Variants in RELN observed in about 807,000 individuals in gnomAD.
RELN encodes reelin.
Under a neutral mutation model 427.6 loss-of-function variants are expected in RELN, and 108 were observed. The observed-to-expected ratio is 0.25, with a 90% confidence interval of 0.22 to 0.30. The LOEUF (loss-of-function observed/expected upper bound fraction) is 0.30. RELN is among the 10% of genes least tolerant of loss of function. The pLI, the probability that RELN is intolerant of heterozygous loss-of-function variation, is 1.00. For missense variants in RELN, 3,715 were observed against 4,302.8 expected, an observed-to-expected ratio of 0.86 and a Z score of 3.82; for synonymous variants, 1,524 against 1,513.4, an observed-to-expected ratio of 1.01 and a Z score of -0.16.
chr7:103,929,343 C>T (rs771974302), intron 1 of RELN, among the ~76,000 whole-genome samples: 1 of 152,112 alleles, frequency 6.6e-6, no homozygotes, highest in African/African-American at 2.4e-5. Context: ...CACTTGTGTT[C>T]TAAACTTTTC....
At chr7:103,726,864 A>T (rs1222041526) in intron 7 of RELN, among the ~76,000 whole-genome samples, 3 of 152,170 alleles carry the variant, frequency 2.0e-5, no homozygotes, top group Non-Finnish European at 4.4e-5. Context: ...CACCAGAGTC[A>T]TACTTGTCTG....
At chr7:103,726,123 T>C (rs188762357) in intron 7 of RELN, among the ~76,000 whole-genome samples, 1 of 152,306 alleles carries the variant, frequency 6.6e-6, no homozygotes, top group East Asian at 1.9e-4. Flanking sequence ...CATGCAAATG[T>C]TTGGATTTTA....
chr7:103,780,620 T>C (rs901604990), intron 3 of RELN, among the ~76,000 whole-genome samples: 1 of 152,194 alleles, frequency 6.6e-6, no homozygotes, highest in African/African-American at 2.4e-5. Context: ...TCTTATCATT[T>C]AGCTCCCACT....
rs1285820024 is a variant in RELN at position 103,755,600 on chromosome 7, T to C, written c.545-2386A>G. 4.8e-5 allele frequency among the ~76,000 whole-genome samples: 6 copies of C among 125,394 alleles called. No homozygotes were observed. In the East Asian group the frequency reaches 1.1e-3, roughly 23 times the overall value. 82.3% of individuals were successfully genotyped at this position (125,394 alleles called of 152,430 possible). On this transcript the variant is annotated intron_variant, in intron 4 of 64. Coordinates refer to ENST00000428762, the MANE Select transcript of RELN (RefSeq NM_005045.4). ...TCCAGCCTGGGGGACAGAGCGAGAC[T>C]CTGTCTCAAAAAAAAAATAAAAAAA...
intron 41 of RELN, among the ~76,000 whole-genome samples, chr7:103,548,818 C>T (rs1322365070): frequency 6.6e-6 from 1 of 152,064 alleles, no homozygotes; most frequent in Non-Finnish European, 1.5e-5. Context: ...CAATGCTGAG[C>T]GAGGTGGTCT....
intron 6 of RELN, among the ~76,000 whole-genome samples, chr7:103,729,230 T>C (rs997835946): frequency 1.3e-5 from 2 of 152,132 alleles, no homozygotes; most frequent in Non-Finnish European, 2.9e-5. Flanking sequence ...GTGCCAAACA[T>C]TGCAGAAAGG....
intron 28 of RELN, among the ~76,000 whole-genome samples, chr7:103,579,624 C>A (rs2117217402): frequency 6.6e-6 from 1 of 150,736 alleles, no homozygotes; most frequent in South Asian, 2.1e-4. Flanking sequence ...AAAAGTACGT[C>A]ACAGTGTGGT....
chr7:103,651,751 C>T lies in RELN; in HGVS notation c.1802G>A (p.Trp601Ter). Residue 601 changes from tryptophan to a stop codon, truncating the protein, a stop_gained, in exon 15 of 65, where the codon TGG becomes TAG. Coordinates refer to ENST00000428762, the MANE Select transcript of RELN (RefSeq NM_005045.4). LOFTEE classifies it high-confidence loss of function. Reference sequence around the variant, plus strand: ...TAAGCATTCAGTGTGAAGGAGGGACCAGGAGCGCCCATGGTTGGTAGAAAA... The same window carrying T: ...TAAGCATTCAGTGTGAAGGAGGGACTAGGAGCGCCCATGGTTGGTAGAAAA... Reference protein sequence around the residue: ...LEFSTNHGRSWSLLHTECLPE... With the variant: ...LEFSTNHGRS 1 of 1,611,870 alleles carries T rather than the reference C, an allele frequency of 6.2e-7. No individual in the cohort carries two copies.
At chr7:103,540,010 C>G (rs934962204) in intron 44 of RELN, among the ~76,000 whole-genome samples, 187 bp downstream of exon 44, 5 of 152,160 alleles carry the variant, frequency 3.3e-5, no homozygotes, top group Non-Finnish European at 5.9e-5. Context: ...GCTTAGGCAA[C>G]TGAAGGAATA....
At chr7:103,662,368 T>A (rs1283442338) in intron 11 of RELN, among the ~76,000 whole-genome samples, 1 of 152,108 alleles carries the variant, frequency 6.6e-6, no homozygotes, top group East Asian at 1.9e-4. Context: ...ACACATGTAA[T>A]CCTAGTACTT....
chr7:103,904,118 T>C (rs1488310236), intron 2 of RELN, among the ~76,000 whole-genome samples: 1 of 152,154 alleles, frequency 6.6e-6, no homozygotes, highest in Non-Finnish European at 1.5e-5. Context: ...TGGTTTTCTA[T>C]TCCTGTGTTA....
At chr7:103,689,273 A>C (rs1450986373) in intron 10 of RELN, among the ~76,000 whole-genome samples, 1 of 150,628 alleles carries the variant, frequency 6.6e-6, no homozygotes, top group African/African-American at 2.5e-5. Context: ...AAAGATTAGC[A>C]GGTGCAGGCA....
intron 1 of RELN, among the ~76,000 whole-genome samples, chr7:103,934,245 C>T (rs1795930066): frequency 6.6e-6 from 1 of 152,162 alleles, no homozygotes. Flanking sequence ...CTACTTTATA[C>T]CTGGTGTCCT....
intron 2 of RELN, among the ~76,000 whole-genome samples, chr7:103,907,765 T>A (rs1001150141): frequency 1.2e-4 from 2 of 16,190 alleles, no homozygotes; most frequent in Non-Finnish European, 2.6e-4. Flanking sequence ...AGAAAGCCTG[T>A]TTTTTTTTCT....
intron 61 of RELN, among the ~76,000 whole-genome samples, chr7:103,485,667 T>C (rs1363974364): frequency 1.3e-5 from 2 of 152,196 alleles, no homozygotes; most frequent in African/African-American, 4.8e-5. Flanking sequence ...GCAAGGTCTC[T>C]GCCCACTCTA....
intron 1 of RELN, among the ~76,000 whole-genome samples, chr7:103,955,794 T>C (rs907023812): frequency 1.3e-5 from 2 of 152,214 alleles, no homozygotes; most frequent in African/African-American, 4.8e-5. Flanking sequence ...CTGGTAATTA[T>C]GCAGGGACAG....
At chr7:103,861,927 T>C (rs1272652367) in intron 2 of RELN, among the ~76,000 whole-genome samples, 2 of 152,088 alleles carry the variant, frequency 1.3e-5, no homozygotes, top group Non-Finnish European at 1.5e-5. Flanking sequence ...TTTTGGTCTT[T>C]GGAGGATGTT....
chr7:103,832,534 C>T lies in RELN; in HGVS notation c.473+1003G>A, dbSNP rs149436322. On this transcript the variant is annotated intron_variant, in intron 3 of 64. Transcript: ENST00000428762. ...GTAGCTAAATAAGTGAAGGATATCA[C>T]GCATTCGAAGTTTAAAAATGCTATG... Among the ~76,000 whole-genome samples the T allele has an allele frequency of 2.1e-3, 318 of 152,212 alleles. 2 individuals carry two copies. Among genetic ancestry groups the T allele is most frequent in the African/African-American group, 6.7e-3 (279 of 41,516 alleles).
At chr7:103,982,988 A>G (rs1040435704) in intron 1 of RELN, among the ~76,000 whole-genome samples, 1 of 152,212 alleles carries the variant, frequency 6.6e-6, no homozygotes, top group African/African-American at 2.4e-5. Context: ...TGTTTTCAAC[A>G]TAAAGTTTTA....
Sources: gnomAD v4.1 joint callset for allele counts (sites outside exome capture counted in the v4.1 genomes callset) on GRCh38, gnomAD v4.1.1 for gene constraint, MANE v1.5 for transcripts, NCBI Gene and HGNC (gene_info 2026-07-23, HGNC 2026-07-21) for gene names.